SLC9A9: variants seen among roughly 807,000 people sequenced by gnomAD.
The protein encoded by SLC9A9 is sodium/hydrogen exchanger 9.
A neutral mutation model predicts 77.8 loss-of-function variants in SLC9A9; 62 were observed. The observed-to-expected ratio is 0.80, with a 90% CI of 0.65 to 0.98. SLC9A9 has a LOEUF of 0.98. SLC9A9 is among the 50% of genes least tolerant of loss of function. The pLI is 0.00. For synonymous variants in SLC9A9, 320 were observed against 283.5 expected (o/e 1.13, Z -1.29); for missense variants, 775 against 774.9 (o/e 1.00, Z 0.00).
chr3:143,585,460 T>G (rs1184843625), intron 6 of SLC9A9, among the ~76,000 whole-genome samples: 1 of 152,164 alleles, frequency 6.6e-6, no homozygotes, highest in African/African-American at 2.4e-5. Context: ...CAGCTCTCCC[T>G]CTTTACAGGA....
intron 7 of SLC9A9, among the ~76,000 whole-genome samples, chr3:143,576,771 G>A (rs940785341): frequency 2.6e-5 from 4 of 152,166 alleles, no homozygotes; most frequent in African/African-American, 9.7e-5. Flanking sequence ...AAGGTTAGAT[G>A]AGACACTCAT....
intron 6 of SLC9A9, among the ~76,000 whole-genome samples, chr3:143,637,206 G>A (rs1361758926): frequency 6.6e-6 from 1 of 151,886 alleles, no homozygotes; most frequent in Non-Finnish European, 1.5e-5. Context: ...AGATCCAAGG[G>A]GAAGTTGAAA....
At chr3:143,824,435 G>A (rs1367269191) in intron 2 of SLC9A9, among the ~76,000 whole-genome samples, 1 of 152,164 alleles carries the variant, frequency 6.6e-6, no homozygotes, top group Non-Finnish European at 1.5e-5. Context: ...TTAGGACTCA[G>A]CTCCGATTCA....
At chr3:143,512,916 C>G (rs2036141000) in intron 9 of SLC9A9, among the ~76,000 whole-genome samples, 1 of 152,062 alleles carries the variant, frequency 6.6e-6, no homozygotes, top group Non-Finnish European at 1.5e-5. Flanking sequence ...AAGAAATGTA[C>G]ATGTATTCAT....
At position 143,670,754 on chromosome 3, in the gene SLC9A9, G is replaced by A. The variant is rs535239467; in HGVS notation, c.650-18394C>T. Among the ~76,000 whole-genome samples, 7 of 152,264 alleles carry A rather than the reference G, an allele frequency of 4.6e-5. No homozygotes were observed. In the South Asian group the frequency reaches 8.3e-4, roughly 18 times the overall value. On this transcript the variant is annotated intron_variant, in intron 5 of 15. Coordinates refer to ENST00000316549, the MANE Select transcript of SLC9A9 (RefSeq NM_173653.4). ...GTCTTTTAGACTACTGCCAGTTGTC[G>A]TATCTACCTCCCTCTTTAGACTGGG...
chr3:143,731,974 G>A lies in SLC9A9; in HGVS notation c.534-38667C>T, dbSNP rs182970599. Among the ~76,000 whole-genome samples, 16 of 152,276 alleles carry A rather than the reference G, an allele frequency of 1.1e-4. No individual in the cohort carries two copies. The East Asian group carries it at 2.3e-3, about 22-fold the overall frequency. ...TGTTCAGCTACTGCAATATGTCCAG[G>A]AACTGCCTTGATGTCTTAGTCTGGT... On this transcript the variant is annotated intron_variant, in intron 4 of 15. Transcript: ENST00000316549.
chr3:143,304,742 T>G (rs1176485966), intron 14 of SLC9A9, among the ~76,000 whole-genome samples: 3 of 152,230 alleles, frequency 2.0e-5, no homozygotes, highest in Non-Finnish European at 4.4e-5. Context: ...AAAATCCATC[T>G]TGTATTAGTT....
intron 5 of SLC9A9, among the ~76,000 whole-genome samples, chr3:143,680,372 A>G (rs989602436): frequency 2.6e-5 from 4 of 152,184 alleles, no homozygotes; most frequent in African/African-American, 9.6e-5. Flanking sequence ...ATAGTTTGCT[A>G]AAGTTTTTCA....
intron 4 of SLC9A9, among the ~76,000 whole-genome samples, chr3:143,765,373 C>T (rs966614526): frequency 3.9e-5 from 6 of 152,040 alleles, no homozygotes; most frequent in East Asian, 1.9e-4. Flanking sequence ...GGGTTCAGAT[C>T]GTATGAGTGT....
intron 6 of SLC9A9, among the ~76,000 whole-genome samples, chr3:143,634,075 G>T (rs991680023): frequency 6.6e-6 from 1 of 152,068 alleles, no homozygotes; most frequent in African/African-American, 2.4e-5. Context: ...TGGTCAAGTC[G>T]AAAGCCAACC....
chr3:143,306,648 C>T (rs964510513), intron 14 of SLC9A9, among the ~76,000 whole-genome samples: 1 of 152,132 alleles, frequency 6.6e-6, no homozygotes, highest in African/African-American at 2.4e-5. Context: ...TAAAACCTGA[C>T]CCAGGTCAGC....
At chr3:143,806,568 C>A (rs2008719025) in intron 2 of SLC9A9, among the ~76,000 whole-genome samples, 2 of 151,934 alleles carry the variant, frequency 1.3e-5, no homozygotes, top group African/African-American at 2.4e-5. Context: ...ATGAATTATA[C>A]CCACATCACA....
At chr3:143,428,566 C>T (rs576038896) in intron 12 of SLC9A9, among the ~76,000 whole-genome samples, 1 of 152,252 alleles carries the variant, frequency 6.6e-6, no homozygotes, top group East Asian at 1.9e-4. Context: ...ACTATATGAT[C>T]CAGCAACCCC....
At chr3:143,627,766 G>C (rs1029014966) in intron 6 of SLC9A9, 1 of 152,700 alleles carries the variant, frequency 6.5e-6, no homozygotes, top group East Asian at 1.9e-4. Flanking sequence ...CCTACTGGAT[G>C]GTGTGAAATT....
intron 1 of SLC9A9, among the ~76,000 whole-genome samples, chr3:143,832,931 C>T (rs1344071560): frequency 3.3e-5 from 5 of 151,984 alleles, no homozygotes; most frequent in African/African-American, 7.2e-5. Context: ...CTAATTTTTC[C>T]GTTTTGAATC....
chr3:143,351,814 T>A (rs1282546186), intron 14 of SLC9A9, among the ~76,000 whole-genome samples: 1 of 152,198 alleles, frequency 6.6e-6, no homozygotes, highest in Non-Finnish European at 1.5e-5. Flanking sequence ...GAATTTAGTA[T>A]CATTTTAACT....
intron 4 of SLC9A9, among the ~76,000 whole-genome samples, chr3:143,792,445 A>AT (rs1423986908): frequency 6.6e-6 from 1 of 152,086 alleles, no homozygotes; most frequent in Non-Finnish European, 1.5e-5. Flanking sequence ...CTCTTCCCTC[A>AT]TTTTTGCCCA....
intron 4 of SLC9A9, among the ~76,000 whole-genome samples, chr3:143,757,602 AT>A (rs2006968034): frequency 6.6e-6 from 1 of 152,144 alleles, no homozygotes; most frequent in Non-Finnish European, 1.5e-5. Context: ...ACCAAAAACT[AT>A]AATATGCTTC....
chr3:143,799,054 T>C (rs2008473287), intron 2 of SLC9A9, among the ~76,000 whole-genome samples: 1 of 152,080 alleles, frequency 6.6e-6, no homozygotes, highest in South Asian at 2.1e-4. Context: ...CGACTAGTCC[T>C]CCCCCACCTG....
Sources: gnomAD v4.1 joint callset for allele counts (sites outside exome capture counted in the v4.1 genomes callset) on GRCh38, gnomAD v4.1.1 for gene constraint, MANE v1.5 for transcripts, NCBI Gene and HGNC (gene_info 2026-07-23, HGNC 2026-07-21) for gene names.